Variants in DEPTOR observed in about 807,000 individuals in gnomAD.
DEPTOR encodes DEP domain containing MTOR interacting protein.
DEPTOR carries 41 observed loss-of-function variants against 41.6 expected under a neutral mutation model. The ratio of observed to expected loss-of-function variants is 0.98; its 90% CI spans 0.77 to 1.28. The LOEUF is 1.28. Among genes scored for constraint, DEPTOR ranks in the 50% most tolerant of loss-of-function variants. DEPTOR has a pLI of 0.00. For synonymous variants in DEPTOR, 195 were observed against 192.3 expected, an observed-to-expected ratio of 1.01 and a Z score of -0.12; for missense variants, 514 against 527.9, an observed-to-expected ratio of 0.97 and a Z score of 0.26.
intron 8 of DEPTOR, among the ~76,000 whole-genome samples, chr8:120,016,846 T>A (rs1459391101): frequency 1.3e-5 from 2 of 152,094 alleles, no homozygotes; most frequent in African/African-American, 4.8e-5. Flanking sequence ...TCAAGTGATC[T>A]GCCCACCTCA....
At chr8:119,973,906 C>G (rs990061774) in intron 4 of DEPTOR, among the ~76,000 whole-genome samples, 1 of 152,126 alleles carries the variant, frequency 6.6e-6, no homozygotes, top group African/African-American at 2.4e-5. Context: ...CAGTGGAAGA[C>G]AGTAGCAGAG....
chr8:120,027,302 TCTCATTG>T (rs1454662359), intron 8 of DEPTOR, among the ~76,000 whole-genome samples: 1 of 151,808 alleles, frequency 6.6e-6, no homozygotes, highest in Non-Finnish European at 1.5e-5. Flanking sequence ...ATGTCACATT[TCTCATTG>T]TATTTTCCCA....
At chr8:119,997,059 G>A (rs1812272900) in intron 4 of DEPTOR, among the ~76,000 whole-genome samples, 1 of 152,142 alleles carries the variant, frequency 6.6e-6, no homozygotes, top group African/African-American at 2.4e-5. Flanking sequence ...GTTGCATTAG[G>A]TGAGCCTCTC....
intron 4 of DEPTOR, among the ~76,000 whole-genome samples, chr8:119,968,853 C>A (rs1367858412): frequency 6.6e-6 from 1 of 151,998 alleles, no homozygotes; most frequent in East Asian, 1.9e-4. Flanking sequence ...CATATCTTTG[C>A]TCTACAGAGA....
chr8:120,013,581 G>T (rs1812564410), intron 8 of DEPTOR, among the ~76,000 whole-genome samples: 1 of 152,174 alleles, frequency 6.6e-6, no homozygotes, highest in Non-Finnish European at 1.5e-5. Flanking sequence ...GCCCACTTGG[G>T]CACTGATTAA....
chr8:119,956,691 CTTT>C (rs758085640), intron 3 of DEPTOR, among the ~76,000 whole-genome samples: 6 of 97,510 alleles, frequency 6.2e-5, no homozygotes, highest in Admixed American at 1.0e-4. Context: ...CACAGGTCTC[CTTT>C]TTTTTTTTTT....
At chr8:119,925,782 G>A (rs1396269264) in intron 1 of DEPTOR, among the ~76,000 whole-genome samples, 1 of 152,102 alleles carries the variant, frequency 6.6e-6, no homozygotes, top group African/African-American at 2.4e-5. Context: ...GCACCACCGT[G>A]CCTGGCTAAT....
intron 8 of DEPTOR, among the ~76,000 whole-genome samples, chr8:120,043,997 G>A (rs567824105): frequency 6.6e-5 from 10 of 151,332 alleles, no homozygotes; most frequent in African/African-American, 1.7e-4. Flanking sequence ...GAGGGACAGC[G>A]CGAGACTCTG....
At chr8:119,970,713 C>T (rs1477414012) in intron 4 of DEPTOR, among the ~76,000 whole-genome samples, 2 of 152,112 alleles carry the variant, frequency 1.3e-5, no homozygotes, top group Non-Finnish European at 2.9e-5. Flanking sequence ...TAGTTGTGTT[C>T]GTGGCTAAGA....
rs182140697 is a variant in DEPTOR, at chr8:119,899,992, C to T, written c.122+26024C>T. On this transcript the variant is annotated intron_variant, in intron 1 of 8. Coordinates refer to ENST00000286234, the MANE Select transcript of DEPTOR (RefSeq NM_022783.4). ...CCATAATTAACACAGAGATTAGTACCAGGAATGGGTAAATATAAATTCTAT... is the reference window on the plus strand; with the variant it reads ...CCATAATTAACACAGAGATTAGTACTAGGAATGGGTAAATATAAATTCTAT... Among the ~76,000 whole-genome samples the T allele has an allele frequency of 2.7e-3, 416 of 151,980 alleles. 2 individuals are homozygous for T. The highest frequency in any genetic ancestry group is 0.02 in the Middle Eastern group (6 of 294).
intron 4 of DEPTOR, among the ~76,000 whole-genome samples, chr8:119,984,866 C>G (rs978214718): frequency 1.3e-5 from 2 of 152,080 alleles, no homozygotes; most frequent in African/African-American, 4.8e-5. Context: ...AATGATTGAA[C>G]TAATTTACAC....
intron 8 of DEPTOR, among the ~76,000 whole-genome samples, chr8:120,015,836 C>A (rs1812601728): frequency 6.6e-6 from 1 of 152,102 alleles, no homozygotes; most frequent in South Asian, 2.1e-4. Flanking sequence ...GCATGTCATT[C>A]ACGTAGCCCG....
rs756121533 is a variant in DEPTOR, at chr8:120,049,601, A to G, written c.1127A>G (p.Asn376Ser). ...MKVCQFVVSVNGLNVLHVDYR... is the reference protein window; with the variant it reads ...MKVCQFVVSVSGLNVLHVDYR... ...GTCTGTCAGTTTGTCGTCTCTGTCA[A>G]CGGGCTCAATGTCCTGCATGTAGAC... The change falls in exon 9 of 9, where the codon AAC (asparagine) becomes AGC (serine). Residue 376 changes from asparagine to serine, a missense_variant. Physicochemically the swap from Asn to Ser is conservative, Grantham distance 46. Coordinates refer to ENST00000286234, the MANE Select transcript of DEPTOR (RefSeq NM_022783.4). 2.0e-5 allele frequency: 33 copies of G among 1,613,620 alleles called. No individual in the cohort carries two copies. Among genetic ancestry groups the G allele is most frequent in the Middle Eastern group, 1.6e-4 (1 of 6,082 alleles).
intron 1 of DEPTOR, among the ~76,000 whole-genome samples, chr8:119,876,378 C>T (rs967717833): frequency 6.6e-6 from 1 of 151,920 alleles, no homozygotes; most frequent in Non-Finnish European, 1.5e-5. Flanking sequence ...GTGATTATGC[C>T]CGTAATCCTG....
rs755957004 is a variant in DEPTOR at position 120,049,663 on chromosome 8, C to A, written c.1189C>A (p.Arg397=). The A allele has an allele frequency of 6.2e-7, 1 of 1,613,934 alleles. No individual in the cohort carries two copies. Among genetic ancestry groups the A allele is most frequent in the South Asian group, 1.1e-5 (1 of 91,060 alleles). The part of the protein sequence containing the change: ...TVSNLILTGP[R]TIVMEVMEEL... ...GAGCAATCTGATTCTGACGGGCCCA[C>A]GGACGATTGTCATGGAAGTCATGGA... The change falls in exon 9 of 9, where the codon CGG becomes AGG. Residue 397 remains arginine, a synonymous_variant. Transcript: ENST00000286234.
At chr8:120,045,992 C>T (rs1316722231) in intron 8 of DEPTOR, among the ~76,000 whole-genome samples, 3 of 152,112 alleles carry the variant, frequency 2.0e-5, no homozygotes, top group African/African-American at 7.2e-5. Context: ...ACAGCCTTGA[C>T]CATCCTAGCT....
Position 119,965,408 on chromosome 8 carries a change from A to C in DEPTOR, c.602A>C (p.His201Pro). The change falls in exon 4 of 9, where the codon CAT becomes CCT. Residue 201 changes from histidine (H) to proline (P), a missense_variant and splice_region_variant. Transcript: ENST00000286234. ...HRLMEHGIIQ[H>P]VSNKHPFVDS... ...CTTATGGAGCATGGCATCATCCAGC[A>C]TGGTGAGCGTATTGGGCAGCTTTTG... 1 of 1,613,330 alleles carries C rather than the reference A, an allele frequency of 6.2e-7. No homozygotes were observed.
intron 3 of DEPTOR, among the ~76,000 whole-genome samples, chr8:119,949,154 C>G (rs1447966318): frequency 6.6e-6 from 1 of 152,188 alleles, no homozygotes; most frequent in African/African-American, 2.4e-5. Context: ...TGACTGTCTT[C>G]TTTCACTTGG....
intron 3 of DEPTOR, among the ~76,000 whole-genome samples, chr8:119,945,737 C>A (rs78951119): frequency 2.0e-5 from 3 of 152,172 alleles, no homozygotes; most frequent in Non-Finnish European, 4.4e-5. Context: ...AAACTCAGAG[C>A]CCTTCCTAGA....
Sources: allele counts gnomAD v4.1 joint callset (sites outside exome capture counted in the v4.1 genomes callset), GRCh38; gene constraint gnomAD v4.1.1; transcripts MANE v1.5; gene names NCBI Gene and HGNC (gene_info 2026-07-23, HGNC 2026-07-21).